The following NEK2 variants were observed in gnomAD, a reference collection of about 807,000 sequenced individuals.
NEK2 encodes the protein NIMA related kinase 2.
In NEK2, 28 loss-of-function variants were observed where a neutral mutation model predicts 54.1. The observed-to-expected ratio is 0.52, with a 90% confidence interval of 0.38 to 0.71. NEK2 has a LOEUF of 0.71. Among genes scored for constraint, NEK2 ranks in the 30% least tolerant of loss-of-function variants. NEK2 has a pLI of 0.00. For synonymous variants in NEK2, 176 were observed against 193.1 expected, an observed-to-expected ratio of 0.91 and a Z score of 0.73; for missense variants, 407 against 531.5, an observed-to-expected ratio of 0.77 and a Z score of 2.30.
rs748133777 is a variant in NEK2, at chr1:211,669,151, C to T, written c.947G>A (p.Arg316Gln). The change falls in exon 6 of 8, where the codon CGA becomes CAA. Residue 316 changes from arginine (R) to glutamine (Q), a missense_variant. By Grantham distance (43) the Arg-to-Gln change is conservative (BLOSUM62 1). Transcript: ENST00000366999. Reference protein sequence around the residue: ...LKLKEIQLQERERALKAREER... With the variant: ...LKLKEIQLQEQERALKAREER... ...TTCTCTTGCTTTGAGAGCTCGCTCT[C>T]GCTCCTGTAACTGAATTTCCTTCAG... 6.2e-6 allele frequency: 10 copies of T among 1,613,846 alleles called. No homozygotes were observed. The highest frequency in any genetic ancestry group is 4.5e-5 in the East Asian group (2 of 44,898).
chr1:211,671,034 AAT>A (rs1655367905), intron 4 of NEK2, 166 bp downstream of exon 4: 1 of 592,438 alleles, frequency 1.7e-6, no homozygotes, highest in Non-Finnish European at 3.0e-6. Flanking sequence ...TTAATTTGTG[AAT>A]AGTTTCTTTT....
At chr1:211,667,865 G>A (rs1655228454) in intron 6 of NEK2, among the ~76,000 whole-genome samples, 4 of 152,072 alleles carry the variant, frequency 2.6e-5, no homozygotes, top group African/African-American at 9.7e-5. Flanking sequence ...GGTCAACATG[G>A]CAAAACCCCA....
chr1:211,674,248 A>G, intron 2 of NEK2, 48 bp downstream of exon 2: 1 of 1,470,956 alleles, frequency 6.8e-7, no homozygotes, highest in Non-Finnish European at 9.4e-7. Context: ...CTTAAAATAA[A>G]TGAAACTAGA....
chr1:211,674,612 T>A (rs1269506885), intron 1 of NEK2, 99 bp from the exon 2 acceptor site: 2 of 848,888 alleles, frequency 2.4e-6, no homozygotes, highest in South Asian at 1.8e-5. Context: ...TTTAATTATA[T>A]CCTACAATCA....
chr1:211,674,146 G>A (rs556204014), intron 2 of NEK2, 150 bp downstream of exon 2: 36 of 629,716 alleles, frequency 5.7e-5, no homozygotes, highest in Admixed American at 9.9e-5. Flanking sequence ...TAAAATATGG[G>A]TGTTGATTCA....
intron 5 of NEK2, 65 bp downstream of exon 5, chr1:211,670,216 G>C: frequency 6.8e-7 from 1 of 1,462,858 alleles, no homozygotes; most frequent in African/African-American, 1.4e-5. Flanking sequence ...CTACAAGAGA[G>C]AATGTATGCT....
chr1:211,666,526 C>A (rs1571641306), intron 7 of NEK2: 3 of 971,630 alleles, frequency 3.1e-6, no homozygotes, highest in African/African-American at 1.8e-5. Flanking sequence ...ATCGGCTGGG[C>A]ACGGTGTCTC....
Position 211,663,175 on chromosome 1 carries a change from CA to C in NEK2, c.*250del, listed in dbSNP as rs1655063332. On this transcript the variant is annotated 3_prime_UTR_variant, in exon 8 of 8. Coordinates refer to ENST00000366999, the MANE Select transcript of NEK2 (RefSeq NM_002497.4). ...TCATGTTCCTACTAGTAATCACACA[CA>C]GGATTAAAAGCCCAACCAAGAAAGT... The C allele has an allele frequency of 8.0e-7, 1 of 1,254,582 alleles. No individual in the cohort carries two copies. The highest frequency in any genetic ancestry group is 1.5e-5 in the African/African-American group (1 of 66,162). 77.7% of individuals were successfully genotyped at this position (1,254,582 alleles called of 1,614,324 possible).
chr1:211,663,499 A>G lies in NEK2; in HGVS notation c.1265T>C (p.Leu422Pro). The G allele has an allele frequency of 6.2e-7, 1 of 1,613,952 alleles. No homozygotes were observed. The highest frequency in any genetic ancestry group is 8.5e-7 in the Non-Finnish European group (1 of 1,179,870). The change falls in exon 8 of 8, where the codon CTG becomes CCG. Residue 422 changes from leucine to proline, a missense_variant. Leu to Pro is a moderately conservative substitution (Grantham distance 98). Transcript: ENST00000366999. ...DLKKRLHAAQ[L>P]RAQALSDIEK... ...AATATCTGACAGGGCTTGAGCCCGC[A>G]GCTGGGCAGCGTGAAGCCTTTTCTT...
intron 3 of NEK2, among the ~76,000 whole-genome samples, chr1:211,672,270 A>G (rs1479142107): frequency 2.0e-5 from 3 of 152,248 alleles, no homozygotes; most frequent in African/African-American, 4.8e-5. Context: ...ACAATATCTA[A>G]TAACAGCCAT....
chr1:211,674,485 C>T lies in NEK2; in HGVS notation c.125G>A (p.Gly42Asp). ...KILVWKELDYGSMTEAEKQML... is the reference protein window; with the variant it reads ...KILVWKELDYDSMTEAEKQML... The stretch of plus-strand genomic sequence containing the variant: ...CTGTTTCTCAGCTTCTGTCATGGAG[C>T]CATAGTCAAGTTCTTTCCAAACTAA... The change falls in exon 2 of 8, where the codon GGC (glycine) becomes GAC (aspartate). Residue 42 changes from glycine (G) to aspartate (D), a missense_variant. Transcript: ENST00000366999. The T allele has an allele frequency of 6.2e-7, 1 of 1,613,010 alleles. No homozygotes were observed. Among genetic ancestry groups the T allele is most frequent in the South Asian group, 1.1e-5 (1 of 90,908 alleles).
intron 7 of NEK2, among the ~76,000 whole-genome samples, chr1:211,665,421 C>T (rs1390172035): frequency 1.3e-5 from 2 of 152,190 alleles, no homozygotes; most frequent in Non-Finnish European, 2.9e-5. Flanking sequence ...TAAAACACAT[C>T]ATCCTTACTT....
chr1:211,672,173 A>G (rs78761412), intron 3 of NEK2, among the ~76,000 whole-genome samples: 1,961 of 152,308 alleles, frequency 0.013, 46 homozygotes, highest in African/African-American at 0.044. Flanking sequence ...ATACTAACAA[A>G]TATTTCTTCA....
At position 211,673,657 on chromosome 1, in the gene NEK2, G is replaced by A; in HGVS notation, c.381C>T (p.Cys127=). The change falls in exon 3 of 8, where the codon TGC becomes TGT. Residue 127 remains cysteine (C), a synonymous_variant. Transcript: ENST00000366999. ...MTQLTLALKE[C]HRRSDGGHTV... ...TATGACCACCATCACTTCGTCTGTG[G>A]CATTCCTTCAGGGCCAGAGTCAACT... The A allele has an allele frequency of 6.2e-7, 1 of 1,614,074 alleles. No individual in the cohort carries two copies. Among genetic ancestry groups the A allele is most frequent in the Non-Finnish European group, 8.5e-7 (1 of 1,180,024 alleles).
At chr1:211,667,458 C>T (rs1221245483) in intron 6 of NEK2, among the ~76,000 whole-genome samples, 1 of 152,126 alleles carries the variant, frequency 6.6e-6, no homozygotes, top group Non-Finnish European at 1.5e-5. Flanking sequence ...CTTGTTTAAA[C>T]AAATACAAAG....
Position 211,675,429 on chromosome 1 carries a change from G to A in NEK2, c.51C>T (p.Gly17=), listed in dbSNP as rs758321935. 6.2e-7 allele frequency: 1 copy of A among 1,613,928 alleles called. No individual in the cohort carries two copies. The highest frequency in any genetic ancestry group is 8.5e-7 in the Non-Finnish European group (1 of 1,179,796). ...DYEVLYTIGT[G]SYGRCQKIRR... Reference sequence around the variant, plus strand: ...GGATCTTCTGGCAGCGGCCGTAGGAGCCTGTGCCAATGGTGTACAACACTT... The same window carrying A: ...GGATCTTCTGGCAGCGGCCGTAGGAACCTGTGCCAATGGTGTACAACACTT... Residue 17 remains glycine (G), a synonymous_variant, in exon 1 of 8, where the codon GGC becomes GGT. Transcript: ENST00000366999.
At chr1:211,661,138 C>G, downstream of NEK2, 1 of 745,018 alleles carries the variant, frequency 1.3e-6, no homozygotes, top group Admixed American at 1.8e-5. Context: ...ATAGCATCTC[C>G]TGTCTCTGGG....
downstream of NEK2, chr1:211,660,458 A>C: frequency 1.4e-6 from 1 of 698,308 alleles, no homozygotes. Flanking sequence ...AGCCAGCTGC[A>C]TTTGTTGTCC....
chr1:211,670,828 T>TAAGAAGAACAAA (rs1344454404), intron 4 of NEK2, among the ~76,000 whole-genome samples: 1 of 95,006 alleles, frequency 1.1e-5, no homozygotes, highest in Non-Finnish European at 2.4e-5. Flanking sequence ...GGAAAAGAAT[T>TAAGAAGAACAAA]GGAGCTCTTC....
Sources: gnomAD v4.1 joint callset for allele counts (sites outside exome capture counted in the v4.1 genomes callset) on GRCh38, gnomAD v4.1.1 for gene constraint, MANE v1.5 for transcripts, NCBI Gene and HGNC (gene_info 2026-07-23, HGNC 2026-07-21) for gene names.